The following FMN1 variants were observed in gnomAD, a reference collection of about 807,000 sequenced individuals.
FMN1 encodes formin-1.
In FMN1, 110 loss-of-function variants were observed where a neutral mutation model predicts 132.4. That is an observed-to-expected ratio of 0.83 (90% CI 0.71 to 0.97). The LOEUF (loss-of-function observed/expected upper bound fraction) is 0.97, where lower values mean the gene tolerates loss of function less well. Among genes scored for constraint, FMN1 ranks in the 50% least tolerant of loss-of-function variants. The pLI is 0.00. For missense variants in FMN1, 1,792 were observed against 1,705.3 expected (o/e 1.05, Z -0.90); for synonymous variants, 722 against 651.7 (o/e 1.11, Z -1.64).
At chr15:33,003,458 G>A (rs1029958519) in intron 7 of FMN1, among the ~76,000 whole-genome samples, 3 of 152,038 alleles carry the variant, frequency 2.0e-5, no homozygotes, top group South Asian at 2.1e-4. Flanking sequence ...TGCTTCAAAG[G>A]GAATAAAATA....
At chr15:33,037,004 G>A in intron 6 of FMN1, among the ~76,000 whole-genome samples, 1 of 152,226 alleles carries the variant, frequency 6.6e-6, no homozygotes, top group East Asian at 1.9e-4. Context: ...TTAGCATTCT[G>A]CTATATTTCC....
intron 13 of FMN1, among the ~76,000 whole-genome samples, chr15:32,900,908 C>A (rs1274881935): frequency 6.6e-6 from 1 of 152,070 alleles, no homozygotes; most frequent in African/African-American, 2.4e-5. Flanking sequence ...AATCCCAGCA[C>A]GTTGGGAGGC....
In FMN1 at chr15:33,153,357, C is replaced by T. The variant is rs768174007; in HGVS notation, c.1558G>A (p.Val520Ile). ...QSSTHKQTSP[V>I]PSPLSPRLPS... ...AGCCTTGGAGACAGAGGCGAGGGAA[C>T]AGGTGACGTCTGTTTGTGTGTGCTG... is the stretch of plus-strand genomic sequence containing the variant. The change falls in exon 4 of 21, where the codon GTT becomes ATT. Residue 520 changes from valine to isoleucine, a missense_variant. This residue lies in a region of FMN1 where 638 missense variants were observed against 645.2 expected (regional missense o/e 0.99). Coordinates refer to ENST00000616417, the MANE Select transcript of FMN1 (RefSeq NM_001277313.2). 6.5e-7 allele frequency: 1 copy of T among 1,536,394 alleles called. No homozygotes were observed. The highest frequency in any genetic ancestry group is 2.0e-5 in the Admixed American group (1 of 51,004).
chr15:32,898,612 T>C (rs776186100), intron 15 of FMN1, among the ~76,000 whole-genome samples: 3 of 152,208 alleles, frequency 2.0e-5, no homozygotes, highest in African/African-American at 4.8e-5. Flanking sequence ...AGCTGTGTTA[T>C]AGTCGATTGA....
intron 19 of FMN1, among the ~76,000 whole-genome samples, chr15:32,792,219 C>A (rs1430718286): frequency 1.4e-5 from 2 of 147,470 alleles, no homozygotes; most frequent in Non-Finnish European, 3.0e-5. Flanking sequence ...GCGGGCAGAT[C>A]ACGAGGTCAG....
At chr15:32,777,216 A>C (rs2056447475) in intron 19 of FMN1, among the ~76,000 whole-genome samples, 1 of 152,046 alleles carries the variant, frequency 6.6e-6, no homozygotes, top group African/African-American at 2.4e-5. Context: ...ACAGAGCATT[A>C]TTTACTTCAG....
At chr15:33,041,561 C>G (rs543005648) in intron 6 of FMN1, among the ~76,000 whole-genome samples, 1 of 150,358 alleles carries the variant, frequency 6.7e-6, no homozygotes, top group African/African-American at 2.4e-5. Flanking sequence ...AGGCAAAGGA[C>G]TTCAATAGAC....
intron 7 of FMN1, among the ~76,000 whole-genome samples, chr15:32,998,872 T>A (rs886705492): frequency 6.6e-6 from 1 of 152,178 alleles, no homozygotes; most frequent in South Asian, 2.1e-4. Flanking sequence ...CCTCCTTCTA[T>A]ATCTGAATTG....
chr15:32,780,545 G>C (rs1595894676), intron 19 of FMN1, among the ~76,000 whole-genome samples: 3 of 152,216 alleles, frequency 2.0e-5, no homozygotes, highest in Admixed American at 2.0e-4. Context: ...TCTCAAGGCT[G>C]TTCTGCCTAT....
intron 19 of FMN1, among the ~76,000 whole-genome samples, chr15:32,792,324 A>G (rs765703085): frequency 7.5e-4 from 113 of 151,222 alleles, no homozygotes; most frequent in Non-Finnish European, 1.4e-3. Context: ...AGACGCCTGT[A>G]GTCCCAGCTA....
At chr15:32,804,169 G>T in intron 18 of FMN1, 112 bp downstream of exon 18, 1 of 775,756 alleles carries the variant, frequency 1.3e-6, no homozygotes, top group Non-Finnish European at 2.1e-6. Flanking sequence ...AGTTGGGGAA[G>T]TAAAAATGTT....
intron 7 of FMN1, among the ~76,000 whole-genome samples, chr15:32,983,281 T>G (rs1357091885): frequency 6.6e-6 from 1 of 152,194 alleles, no homozygotes; most frequent in East Asian, 1.9e-4. Flanking sequence ...TATTGCATGG[T>G]TCTATGGATA....
chr15:32,912,080 T>C (rs1190807422), intron 10 of FMN1, among the ~76,000 whole-genome samples: 4 of 152,176 alleles, frequency 2.6e-5, no homozygotes, highest in African/African-American at 9.6e-5. Flanking sequence ...TTCTAAACAA[T>C]AATCTACCAA....
chr15:32,855,723 G>A (rs2059115932), intron 17 of FMN1, among the ~76,000 whole-genome samples: 1 of 152,184 alleles, frequency 6.6e-6, no homozygotes, highest in Admixed American at 6.5e-5. Flanking sequence ...CTCATTTCAA[G>A]TTAATTCTGC....
chr15:32,974,981 C>G (rs1334523697), intron 7 of FMN1, among the ~76,000 whole-genome samples: 2 of 152,210 alleles, frequency 1.3e-5, no homozygotes, highest in Non-Finnish European at 2.9e-5. Context: ...CCTCTGCCTA[C>G]TTTCCCAGAT....
intron 4 of FMN1, chr15:33,151,026 C>T (rs1026989759): frequency 9.4e-6 from 11 of 1,164,606 alleles, no homozygotes; most frequent in Admixed American, 7.9e-5. Flanking sequence ...CCTGTATGGG[C>T]TTCCCAGCTG....
intron 2 of FMN1, among the ~76,000 whole-genome samples, chr15:33,193,398 TTC>T (rs907910014): frequency 1.3e-5 from 2 of 152,126 alleles, no homozygotes; most frequent in Admixed American, 6.5e-5. Context: ...CAGAATATAA[TTC>T]TCTCTCCTAG....
At chr15:33,067,512 A>C in intron 5 of FMN1, 1 of 1,613,920 alleles carries the variant, frequency 6.2e-7, no homozygotes, top group Non-Finnish European at 8.5e-7. Context: ...TTCAAAGTAG[A>C]CAGTGGAAGC....
intron 4 of FMN1, among the ~76,000 whole-genome samples, chr15:33,089,490 C>T (rs924636212): frequency 2.6e-5 from 4 of 152,190 alleles, no homozygotes; most frequent in African/African-American, 4.8e-5. Context: ...ATTTTGGATT[C>T]GCTTTTGTCA....
Sources: gnomAD v4.1 joint callset for allele counts (sites outside exome capture counted in the v4.1 genomes callset) on GRCh38, gnomAD v4.1.1 for gene constraint, gnomAD v4.1.1 regional missense constraint, MANE v1.5 for transcripts, NCBI Gene and HGNC (gene_info 2026-07-23, HGNC 2026-07-21) for gene names.